Variants in PRDM11 observed in about 807,000 individuals in gnomAD.
The protein encoded by PRDM11 is PR domain-containing protein 11.
A neutral mutation model predicts 97.8 loss-of-function variants in PRDM11; 20 were observed. That is an observed-to-expected ratio of 0.20 (90% CI 0.14 to 0.30). PRDM11 has a LOEUF of 0.30. Among genes scored for constraint, PRDM11 ranks in the 10% least tolerant of loss-of-function variants. The pLI is 1.00. For synonymous variants in PRDM11, 599 were observed against 637.7 expected (o/e 0.94, Z 0.91); for missense variants, 1,139 against 1,555.2 (o/e 0.73, Z 4.50).
At chr11:45,211,867 C>T (rs747352042) in intron 5 of PRDM11, among the ~76,000 whole-genome samples, 2 of 152,168 alleles carry the variant, frequency 1.3e-5, no homozygotes, top group Non-Finnish European at 2.9e-5. Flanking sequence ...CCAAACACCA[C>T]CTGTACCCCA....
upstream of PRDM11, among the ~76,000 whole-genome samples, chr11:45,095,606 G>A (rs1192508818): frequency 3.3e-5 from 5 of 152,210 alleles, no homozygotes; most frequent in African/African-American, 1.2e-4. Flanking sequence ...ACATTTCCCA[G>A]ACTCCTCTGC....
At chr11:45,149,048 G>C (rs1299932281) in intron 1 of PRDM11, among the ~76,000 whole-genome samples, 2 of 152,070 alleles carry the variant, frequency 1.3e-5, no homozygotes, top group African/African-American at 4.8e-5. Flanking sequence ...TCCATCTCCA[G>C]ACCCAGATAA....
chr11:45,158,734 A>G (rs1590391162), intron 1 of PRDM11, among the ~76,000 whole-genome samples: 1 of 150,652 alleles, frequency 6.6e-6, no homozygotes, highest in Non-Finnish European at 1.5e-5. Context: ...TTTCTGCTCC[A>G]CCCTTCCCCA....
intron 4 of PRDM11, among the ~76,000 whole-genome samples, chr11:45,186,701 T>C (rs1000348444): frequency 6.6e-6 from 1 of 152,084 alleles, no homozygotes; most frequent in African/African-American, 2.4e-5. Context: ...ATGGCTTGTT[T>C]TAAAAGTCTG....
In PRDM11 at chr11:45,226,841, G is replaced by C; in HGVS notation, c.2216G>C (p.Ser739Thr). 2 of 1,533,178 alleles carry C rather than the reference G, an allele frequency of 1.3e-6. No individual in the cohort carries two copies. Among genetic ancestry groups the C allele is most frequent in the Non-Finnish European group, 1.7e-6 (2 of 1,146,538 alleles). The allele number at this position is 1,533,178 out of a possible 1,614,324, so 95.0% of individuals were successfully genotyped here. ...GTAGATGGAGCCAACATCACAGCCA[G>C]CCTCCGTGCCAGCATGTTCATGACC... ...LGVDGANITA[S>T]LRASMFMTIR... Residue 739 changes from serine to threonine, a missense_variant, in exon 8 of 8, where the codon AGC (serine) becomes ACC (threonine). By Grantham distance (58) the Ser-to-Thr change is moderately conservative. Transcript: ENST00000683152.
At chr11:45,150,945 A>G (rs1422952627) in intron 1 of PRDM11, among the ~76,000 whole-genome samples, 1 of 152,184 alleles carries the variant, frequency 6.6e-6, no homozygotes, top group Non-Finnish European at 1.5e-5. Context: ...ACAAAAGATG[A>G]GGTAAGGGAC....
Position 45,146,873 on chromosome 11 carries a change from G to T in PRDM11, c.-11G>T, listed in dbSNP as rs1485468420. On this transcript the variant is annotated 5_prime_UTR_variant, in exon 1 of 8. Transcript: ENST00000683152. ...CCCCGCGGCTGCCGCAGCATTCCCG[G>T]GAAGGTGAGTCAGCCCCGGTAGCCA... 1 of 146,022 alleles carries T rather than the reference G, an allele frequency of 6.8e-6. No individual in the cohort carries two copies. Among genetic ancestry groups the T allele is most frequent in the Admixed American group, 6.8e-5 (1 of 14,698 alleles). The allele number at this position is 146,022 out of a possible 1,614,324, so 9.0% of individuals were successfully genotyped here. A position where few individuals can be genotyped will look rare whatever the true frequency, so the allele number is the denominator to read the frequency against.
At chr11:45,122,862 T>C (rs921172372) in intron 1 of PRDM11, among the ~76,000 whole-genome samples, 7 of 152,184 alleles carry the variant, frequency 4.6e-5, no homozygotes, top group Non-Finnish European at 1.0e-4. Context: ...TACCCAGTAA[T>C]GGGATGGCTG....
intron 1 of PRDM11, among the ~76,000 whole-genome samples, chr11:45,130,210 T>C (rs1458813202): frequency 1.3e-5 from 2 of 152,130 alleles, no homozygotes; most frequent in African/African-American, 4.8e-5. Flanking sequence ...ATTATGATAT[T>C]GGGATAGTTA....
intron 1 of PRDM11, among the ~76,000 whole-genome samples, chr11:45,097,681 G>C (rs1851907445): frequency 6.6e-6 from 1 of 152,222 alleles, no homozygotes; most frequent in Admixed American, 6.5e-5. Context: ...TGAGGACGGA[G>C]CTATTGGGAC....
At chr11:45,211,944 C>T (rs78257018) in intron 5 of PRDM11, among the ~76,000 whole-genome samples, 1,801 of 152,338 alleles carry the variant, frequency 0.012, 17 homozygotes, top group Non-Finnish European at 0.02. Context: ...GCAATGCAGA[C>T]GTGGCCTCAG....
At chr11:45,177,748 G>A (rs1852363207) in intron 1 of PRDM11, among the ~76,000 whole-genome samples, 1 of 152,126 alleles carries the variant, frequency 6.6e-6, no homozygotes, top group Non-Finnish European at 1.5e-5. Flanking sequence ...ATAAGGACTC[G>A]GTAACTCATT....
Position 45,098,318 on chromosome 11 carries a change from C to T in PRDM11, c.96+2417C>T, listed in dbSNP as rs146170261. ...CCAATGTTGGCCTTGACATCCATTC[C>T]TGCATTTGGCCATCATTGAGCAGGG... On this transcript the variant is annotated intron_variant, in intron 1 of 6. Coordinates refer to the PRDM11 transcript ENST00000530656. 9.4e-4 allele frequency among the ~76,000 whole-genome samples: 143 copies of T among 152,338 alleles called. 1 individual carries two copies. The East Asian group carries it at 0.019, about 21-fold the overall frequency.
At chr11:45,098,554 G>T (rs879830852) in intron 1 of PRDM11, among the ~76,000 whole-genome samples, 4 of 152,150 alleles carry the variant, frequency 2.6e-5, no homozygotes, top group Non-Finnish European at 5.9e-5. Context: ...ACTTGCCCAG[G>T]CTCGCACAGC....
intron 1 of PRDM11, among the ~76,000 whole-genome samples, chr11:45,152,708 C>A (rs1238999075): frequency 6.6e-6 from 1 of 152,180 alleles, no homozygotes; most frequent in Admixed American, 6.5e-5. Flanking sequence ...ATTGTTATTT[C>A]CCCATTCTAC....
chr11:45,188,551 G>C (rs905312478), intron 4 of PRDM11, among the ~76,000 whole-genome samples: 1 of 152,196 alleles, frequency 6.6e-6, no homozygotes, highest in Non-Finnish European at 1.5e-5. Context: ...GCTTAACCTG[G>C]AGGAAAGCTG....
intron 1 of PRDM11, among the ~76,000 whole-genome samples, chr11:45,140,782 C>T (rs547608469): frequency 7.4e-4 from 113 of 151,856 alleles, no homozygotes; most frequent in Non-Finnish European, 1.3e-3. Flanking sequence ...AAAAAAACAA[C>T]CTCTCTAATG....
rs1358926193 is a variant in PRDM11, at chr11:45,229,159, ACTTTTT to A, written c.*1005_*1010del. On this transcript the variant is annotated 3_prime_UTR_variant, in exon 8 of 8. Transcript: ENST00000683152. ...TATTCGAGTTACATGGATTATTTAT[ACTTTTT>A]CTTTATAATCATATCATGTGTTGAG... is the stretch of plus-strand genomic sequence containing the variant. The A allele has an allele frequency of 6.6e-6, 1 of 152,178 alleles. No individual in the cohort carries two copies. 9.4% of individuals were successfully genotyped at this position (152,178 alleles called of 1,614,324 possible).
chr11:45,158,803 C>T (rs957939920), intron 1 of PRDM11, among the ~76,000 whole-genome samples: 3 of 152,128 alleles, frequency 2.0e-5, no homozygotes, highest in Admixed American at 2.0e-4. Flanking sequence ...GGTGCCCCCC[C>T]TTCTCTAAGG....
Sources: allele counts gnomAD v4.1 joint callset (sites outside exome capture counted in the v4.1 genomes callset), GRCh38; gene constraint gnomAD v4.1.1; transcripts MANE v1.5; gene names NCBI Gene and HGNC (gene_info 2026-07-23, HGNC 2026-07-21).